ERMAP: variants seen among roughly 807,000 people sequenced by gnomAD.
The protein encoded by ERMAP is erythroblast membrane associated protein (Scianna blood group), also known as erythroid membrane-associated protein.
A neutral mutation model predicts 49.5 loss-of-function variants in ERMAP; 34 were observed. That is an observed-to-expected ratio of 0.69 (90% CI 0.52 to 0.91). The LOEUF is 0.91. Among genes scored for constraint, ERMAP ranks in the 40% least tolerant of loss-of-function variants. The pLI is 0.00. For missense variants in ERMAP, 541 were observed against 582.6 expected, an observed-to-expected ratio of 0.93 and a Z score of 0.74; for synonymous variants, 214 against 232.2, an observed-to-expected ratio of 0.92 and a Z score of 0.71.
intron 4 of ERMAP, among the ~76,000 whole-genome samples, 159 bp downstream of exon 4, chr1:42,831,274 C>T (rs766714294): frequency 2.0e-5 from 3 of 152,184 alleles, no homozygotes; most frequent in African/African-American, 7.2e-5. Context: ...CCATTGATCT[C>T]AGCTGAGGCT....
chr1:42,843,394 T>A lies in ERMAP; in HGVS notation c.*162T>A. 1.8e-6 allele frequency: 1 copy of A among 544,950 alleles called. No individual in the cohort carries two copies. Among genetic ancestry groups the A allele is most frequent in the Non-Finnish European group, 3.2e-6 (1 of 317,190 alleles). The allele number at this position is 544,950 out of a possible 1,614,324, so 33.8% of individuals were successfully genotyped here. ...CCACTTTTCTCCCAGGCCTCAGTTC[T>A]GAAGCTTACCTTTCTTCTAAGGAAT... On this transcript the variant is annotated 3_prime_UTR_variant, in exon 12 of 12. Coordinates refer to ENST00000372517, the MANE Select transcript of ERMAP (RefSeq NM_001017922.2).
chr1:42,833,805 C>T (rs889887135), intron 4 of ERMAP, among the ~76,000 whole-genome samples: 1 of 152,182 alleles, frequency 6.6e-6, no homozygotes, highest in African/African-American at 2.4e-5. Flanking sequence ...GATACTCCTG[C>T]TTCAGCCTCC....
At chr1:42,832,797 C>A (rs534698403) in intron 4 of ERMAP, among the ~76,000 whole-genome samples, 71 of 152,332 alleles carry the variant, frequency 4.7e-4, no homozygotes, top group African/African-American at 1.5e-3. Context: ...TTAGGAGGAG[C>A]GTGGGGAGAG....
intron 11 of ERMAP, among the ~76,000 whole-genome samples, 177 bp from the exon 12 acceptor site, chr1:42,842,340 A>G (rs533619331): frequency 3.9e-5 from 6 of 152,322 alleles, no homozygotes; most frequent in Admixed American, 1.3e-4. Context: ...CAGGAGACCT[A>G]TTCTTTGAAA....
chr1:42,838,184 A>G (rs558670623), intron 7 of ERMAP, among the ~76,000 whole-genome samples: 1 of 152,204 alleles, frequency 6.6e-6, no homozygotes, highest in Non-Finnish European at 1.5e-5. Context: ...AGTAAATGGA[A>G]GCTGTTAGTA....
Position 42,828,375 on chromosome 1 carries a change from T to C in ERMAP, c.-5-2069T>C, listed in dbSNP as rs1293280754. Among the ~76,000 whole-genome samples, 3 of 152,152 alleles carry C rather than the reference T, an allele frequency of 2.0e-5. No homozygotes were observed. The East Asian group carries it at 5.8e-4, about 29-fold the overall frequency. Reference sequence around the variant, plus strand: ...GGTAGGTACTATTATTAACTTCATTTCATGTGTGAGCAAGAGGAGGTTTGG... The same window carrying C: ...GGTAGGTACTATTATTAACTTCATTCCATGTGTGAGCAAGAGGAGGTTTGG... On this transcript the variant is annotated intron_variant, in intron 2 of 11. Transcript: ENST00000372517.
At chr1:42,824,858 A>G (rs1322736110) in intron 1 of ERMAP, 1 of 152,240 alleles carries the variant, frequency 6.6e-6, no homozygotes, top group East Asian at 1.9e-4. Flanking sequence ...AAGGCTTTGT[A>G]GAAAGCCCCA....
rs577054021 is a variant in ERMAP, at chr1:42,839,703, C to T, written c.638-330C>T. Reference sequence around the variant, plus strand: ...ATATACATGATCACAAAGTCCAATACTCAGTGATAGTTTTAAATGAAGTAA... The same window carrying T: ...ATATACATGATCACAAAGTCCAATATTCAGTGATAGTTTTAAATGAAGTAA... On this transcript the variant is annotated intron_variant, in intron 8 of 11. Coordinates refer to ENST00000372517, the MANE Select transcript of ERMAP (RefSeq NM_001017922.2). The T allele has an allele frequency of 1.4e-3, 604 of 436,108 alleles. 2 individuals are homozygous for T. The highest frequency in any genetic ancestry group is 3.7e-3 in the Middle Eastern group (6 of 1,600). The allele number at this position is 436,108 out of a possible 1,614,324, so 27.0% of individuals were successfully genotyped here. A position where few individuals can be genotyped will look rare whatever the true frequency, so the allele number is the denominator to read the frequency against.
In ERMAP at chr1:42,843,694, C is replaced by G; in HGVS notation, c.*462C>G. The stretch of plus-strand genomic sequence containing the variant: ...TCTGGCCTCTGCCCCCCAAAGTCAG[C>G]TCTCTAAAAGCAAGCATGTTTTAGA... On this transcript the variant is annotated 3_prime_UTR_variant, in exon 12 of 12. Transcript: ENST00000372517. 5.8e-6 allele frequency: 1 copy of G among 173,354 alleles called. No homozygotes were observed. 10.7% of individuals were successfully genotyped at this position (173,354 alleles called of 1,614,324 possible).
rs1443827117 is a variant in ERMAP at position 42,842,646 on chromosome 1, G to A, written c.842G>A (p.Ser281Asn). Residue 281 changes from serine (S) to asparagine (N), a missense_variant, in exon 12 of 12, where the codon AGC becomes AAC. Ser to Asn is a conservative substitution (Grantham distance 46, BLOSUM62 1). Coordinates refer to ENST00000372517, the MANE Select transcript of ERMAP (RefSeq NM_001017922.2). ...DNPQRFDFVV[S>N]ILGSEYFTTG... The stretch of plus-strand genomic sequence containing the variant: ...CCCCAGAGATTTGATTTCGTTGTCA[G>A]CATCCTAGGCTCTGAGTACTTCACG... 1.9e-6 allele frequency: 3 copies of A among 1,614,038 alleles called. No homozygotes were observed. Among genetic ancestry groups the A allele is most frequent in the Non-Finnish European group, 1.7e-6 (2 of 1,180,032 alleles).
chr1:42,822,900 A>G (rs1654440875), intron 1 of ERMAP, among the ~76,000 whole-genome samples: 1 of 152,036 alleles, frequency 6.6e-6, no homozygotes, highest in African/African-American at 2.4e-5. Flanking sequence ...GACTTATTTC[A>G]TATAACGTAA....
At chr1:42,831,571 T>TTCTTTC (rs1557609241) in intron 4 of ERMAP, among the ~76,000 whole-genome samples, 9 of 79,908 alleles carry the variant, frequency 1.1e-4, no homozygotes, top group African/African-American at 1.5e-4. Flanking sequence ...TTTTTTTTTT[T>TTCTTTC]TCTCTTTTTT....
intron 8 of ERMAP, 175 bp downstream of exon 8, chr1:42,839,096 C>T (rs1654985119): frequency 2.3e-6 from 2 of 879,860 alleles, no homozygotes; most frequent in African/African-American, 1.7e-5. Context: ...ATTCTCTGCT[C>T]CTCTTTCCTG....
chr1:42,821,387 C>T lies in ERMAP; in HGVS notation c.-122+4134C>T, dbSNP rs141248870. Among the ~76,000 whole-genome samples, 5 of 152,248 alleles carry T rather than the reference C, an allele frequency of 3.3e-5. 1 individual carries two copies. Among genetic ancestry groups the T allele is most frequent in the South Asian group, 4.1e-4 (2 of 4,826 alleles). On this transcript the variant is annotated intron_variant, in intron 1 of 11. Coordinates refer to ENST00000372517, the MANE Select transcript of ERMAP (RefSeq NM_001017922.2). ...TGATTATTACTGGATTCTGAGATTACGATTATGAGTGATATCTTTATCTAT... is the reference window on the plus strand; with the variant it reads ...TGATTATTACTGGATTCTGAGATTATGATTATGAGTGATATCTTTATCTAT...
intron 1 of ERMAP, among the ~76,000 whole-genome samples, chr1:42,821,574 T>C (rs1221296099): frequency 6.6e-6 from 1 of 152,248 alleles, no homozygotes; most frequent in Non-Finnish European, 1.5e-5. Flanking sequence ...ACAATTACTT[T>C]GGAAAACAAT....
chr1:42,835,618 C>T lies in ERMAP; in HGVS notation c.551-114C>T, dbSNP rs139202900. The T allele has an allele frequency of 6.0e-5, 82 of 1,374,874 alleles. No homozygotes were observed. The African/African-American group carries it at 1.1e-3, about 18-fold the overall frequency. The allele number at this position is 1,374,874 out of a possible 1,614,324, so 85.2% of individuals were successfully genotyped here. A position where few individuals can be genotyped will look rare whatever the true frequency, so the allele number is the denominator to read the frequency against. ...TCTAATCCTTTCAAATGCCCGCTTA[C>T]CTGTAGTGACAAGGAGTCAGTCCTA... is the stretch of plus-strand genomic sequence containing the variant. On this transcript the variant is annotated intron_variant, in intron 5 of 11. Coordinates refer to ENST00000372517, the MANE Select transcript of ERMAP (RefSeq NM_001017922.2).
chr1:42,841,366 A>T (rs533965721), intron 11 of ERMAP, among the ~76,000 whole-genome samples: 1 of 152,200 alleles, frequency 6.6e-6, no homozygotes, highest in Non-Finnish European at 1.5e-5. Context: ...CCTTCTCTCT[A>T]TATTAACATT....
Position 42,831,036 on chromosome 1 carries a change from T to A in ERMAP, c.354T>A (p.Leu118=). The A allele has an allele frequency of 6.2e-7, 1 of 1,614,216 alleles. No individual in the cohort carries two copies. Among genetic ancestry groups the A allele is most frequent in the East Asian group, 2.2e-5 (1 of 44,874 alleles). The change falls in exon 4 of 12, where the codon CTT becomes CTA. Residue 118 remains leucine, a synonymous_variant. Coordinates refer to ENST00000372517, the MANE Select transcript of ERMAP (RefSeq NM_001017922.2). Reference sequence around the variant, plus strand: ...CTCTGCAGATCCTTGACGTGCGCCTTGAGGACCAAGGGTCTTACCGATGTC... The same window carrying A: ...CTCTGCAGATCCTTGACGTGCGCCTAGAGGACCAAGGGTCTTACCGATGTC... ...SVTLQILDVR[L]EDQGSYRCLI... is the part of the protein sequence containing the mutation.
At chr1:42,838,877 CTT>C in intron 7 of ERMAP, 22 bp from the exon 8 acceptor site, 3 of 1,614,084 alleles carry the variant, frequency 1.9e-6, no homozygotes, top group African/African-American at 2.7e-5. Context: ...ATCACTCACT[CTT>C]CTCTCTCTTT....
Sources: allele counts gnomAD v4.1 joint callset (sites outside exome capture counted in the v4.1 genomes callset), GRCh38; gene constraint gnomAD v4.1.1; transcripts MANE v1.5; gene names NCBI Gene and HGNC (gene_info 2026-07-23, HGNC 2026-07-21).